BICDL1: variants seen among roughly 807,000 people sequenced by gnomAD.
The protein encoded by BICDL1 is BICD family-like cargo adapter 1.
A neutral mutation model predicts 76.8 loss-of-function variants in BICDL1; 20 were observed. The ratio of observed to expected loss-of-function variants is 0.26; its 90% CI spans 0.18 to 0.38. The LOEUF (loss-of-function observed/expected upper bound fraction) is 0.38. Among genes scored for constraint, BICDL1 ranks in the 10% least tolerant of loss-of-function variants. The pLI, the probability that BICDL1 is intolerant of heterozygous loss-of-function variation, is 1.00. For synonymous variants in BICDL1, 383 were observed against 337.1 expected (o/e 1.14, Z -1.49); for missense variants, 700 against 798.6 (o/e 0.88, Z 1.49).
intron 2 of BICDL1, among the ~76,000 whole-genome samples, chr12:120,008,914 G>A (rs1594107717): frequency 7.0e-6 from 1 of 143,196 alleles, no homozygotes; most frequent in South Asian, 2.2e-4. Flanking sequence ...ACACATTAGG[G>A]TGGTAATTGC....
In BICDL1 at chr12:120,026,412, C is replaced by G. The variant is rs115976854; in HGVS notation, c.645+27676C>G. 3.5e-3 allele frequency among the ~76,000 whole-genome samples: 525 copies of G among 152,004 alleles called. 3 individuals carry two copies. Among genetic ancestry groups the G allele is most frequent in the African/African-American group, 0.012 (509 of 41,454 alleles). On this transcript the variant is annotated intron_variant, in intron 2 of 9. Coordinates refer to ENST00000548673, the MANE Select transcript of BICDL1 (RefSeq NM_001367886.1). Reference sequence around the variant, plus strand: ...TTCCTGTAGGCTTAAGTTTTCTTCCCAACAAAAGTTTTTAAGTGAAGTTCT... The same window carrying G: ...TTCCTGTAGGCTTAAGTTTTCTTCCGAACAAAAGTTTTTAAGTGAAGTTCT...
At chr12:120,054,972 T>A (rs1952945009) in intron 2 of BICDL1, among the ~76,000 whole-genome samples, 1 of 152,174 alleles carries the variant, frequency 6.6e-6, no homozygotes, top group South Asian at 2.1e-4. Flanking sequence ...CACACATATA[T>A]GTAGAAAGAT....
chr12:120,004,604 G>C (rs78581521), intron 2 of BICDL1, among the ~76,000 whole-genome samples: 1 of 152,254 alleles, frequency 6.6e-6, no homozygotes, highest in East Asian at 1.9e-4. Context: ...CTGAAATAAA[G>C]AAACAAAGAT....
chr12:119,998,727 G>A lies in BICDL1; in HGVS notation c.636G>A (p.Gln212=). ...LSEQNQRLLD[Q]LSRASEVERQ... ...AACAGAACCAAAGGCTATTGGATCAGCTCAGCAGGGTGAGTCACAAATTAA... is the reference window on the plus strand; with the variant it reads ...AACAGAACCAAAGGCTATTGGATCAACTCAGCAGGGTGAGTCACAAATTAA... The change falls in exon 2 of 10, where the codon CAG becomes CAA. Residue 212 remains glutamine (Q), a synonymous_variant. Transcript: ENST00000548673. 6.2e-7 allele frequency: 1 copy of A among 1,613,598 alleles called. No individual in the cohort carries two copies. The highest frequency in any genetic ancestry group is 8.5e-7 in the Non-Finnish European group (1 of 1,179,802).
chr12:120,085,008 C>T (rs1382680541), intron 8 of BICDL1, among the ~76,000 whole-genome samples: 1 of 152,146 alleles, frequency 6.6e-6, no homozygotes, highest in Non-Finnish European at 1.5e-5. Flanking sequence ...CTTTGGGTCC[C>T]CTTTTCTTTC....
In BICDL1 at chr12:120,042,045, A is replaced by G. The variant is rs142670205; in HGVS notation, c.646-19665A>G. The stretch of plus-strand genomic sequence containing the variant: ...GCTGTAGGAGGGCAAGGGTAGGAGC[A>G]GGGAGACCAAGTAGGTGGCACCACA... On this transcript the variant is annotated intron_variant, in intron 2 of 9. Coordinates refer to ENST00000548673, the MANE Select transcript of BICDL1 (RefSeq NM_001367886.1). 8.3e-4 allele frequency among the ~76,000 whole-genome samples: 126 copies of G among 152,064 alleles called. 1 individual carries two copies. The highest frequency in any genetic ancestry group is 3.0e-3 in the African/African-American group (124 of 41,476).
Position 120,093,293 on chromosome 12 carries a change from G to A in BICDL1, c.*132G>A. On this transcript the variant is annotated 3_prime_UTR_variant, in exon 10 of 10. Coordinates refer to ENST00000548673, the MANE Select transcript of BICDL1 (RefSeq NM_001367886.1). Reference sequence around the variant, plus strand: ...TCATGCTAGGGCCCCATGGGTCCGGGAGGGCCTGCTCCCTTTCGTCGGTGG... The same window carrying A: ...TCATGCTAGGGCCCCATGGGTCCGGAAGGGCCTGCTCCCTTTCGTCGGTGG... 3 of 1,070,634 alleles carry A rather than the reference G, an allele frequency of 2.8e-6. No individual in the cohort carries two copies. Among genetic ancestry groups the A allele is most frequent in the Admixed American group, 2.4e-5 (1 of 42,354 alleles). 66.3% of individuals were successfully genotyped at this position (1,070,634 alleles called of 1,614,324 possible).
chr12:120,040,894 T>C (rs1952629098), intron 2 of BICDL1, among the ~76,000 whole-genome samples: 1 of 151,960 alleles, frequency 6.6e-6, no homozygotes, highest in African/African-American at 2.4e-5. Context: ...ATTACAGGCA[T>C]GTGCACCACA....
intron 1 of BICDL1, 55 bp from the exon 2 acceptor site, chr12:119,998,466 A>C (rs1452645851): frequency 6.7e-7 from 1 of 1,491,474 alleles, no homozygotes; most frequent in Middle Eastern, 2.4e-4. Context: ...GGAGAGAAAA[A>C]ATAAAAGGCT....
intron 2 of BICDL1, among the ~76,000 whole-genome samples, chr12:120,060,360 G>T (rs1048941597): frequency 6.6e-6 from 1 of 152,218 alleles, no homozygotes; most frequent in Non-Finnish European, 1.5e-5. Flanking sequence ...GTAGGGTGGG[G>T]TGAGGGAGTT....
chr12:120,092,022 C>G (rs1875017061), intron 9 of BICDL1: 12 of 985,386 alleles, frequency 1.2e-5, no homozygotes, highest in Non-Finnish European at 1.2e-5. Context: ...GCAGAGCCTG[C>G]CAGGTTCAAG....
At chr12:120,078,999 T>C (rs965680376) in intron 7 of BICDL1, among the ~76,000 whole-genome samples, 3 of 152,218 alleles carry the variant, frequency 2.0e-5, no homozygotes, top group African/African-American at 7.2e-5. Flanking sequence ...TCTGCCCTGG[T>C]GCCTTGTCTG....
At chr12:120,033,417 T>G (rs1952468225) in intron 2 of BICDL1, among the ~76,000 whole-genome samples, 1 of 140,370 alleles carries the variant, frequency 7.1e-6, no homozygotes, top group Non-Finnish European at 1.5e-5. Flanking sequence ...CACTCTGTCG[T>G]CCAGGCTGGA....
chr12:120,035,804 C>T lies in BICDL1; in HGVS notation c.646-25906C>T, dbSNP rs534068210. On this transcript the variant is annotated intron_variant, in intron 2 of 9. Transcript: ENST00000548673. The stretch of plus-strand genomic sequence containing the variant: ...CAACTCTTATTTCCCTCCATAAGCA[C>T]GACCTCTTCTTCCCCCAAGAGGAAC... Among the ~76,000 whole-genome samples the T allele has an allele frequency of 1.1e-4, 16 of 152,314 alleles. No individual in the cohort carries two copies. The South Asian group carries it at 3.3e-3, about 32-fold the overall frequency.
At chr12:120,021,399 T>C (rs368018752) in intron 2 of BICDL1, among the ~76,000 whole-genome samples, 2 of 149,460 alleles carry the variant, frequency 1.3e-5, no homozygotes, top group East Asian at 2.0e-4. Context: ...CCAGCCTGGC[T>C]AACATGGTGA....
In BICDL1 at chr12:120,062,432, T is replaced by C. The variant is rs545689399; in HGVS notation, c.762+606T>C. On this transcript the variant is annotated intron_variant, in intron 3 of 9. Transcript: ENST00000548673. ...TCTTATCACCAGCCCAAACCAGGCC[T>C]CCCCCTAGGGGAGGCTTCCACCTGG... 2.0e-5 allele frequency among the ~76,000 whole-genome samples: 3 copies of C among 152,096 alleles called. No homozygotes were observed. In the East Asian group the frequency reaches 5.8e-4, roughly 30 times the overall value.
intron 2 of BICDL1, among the ~76,000 whole-genome samples, chr12:120,047,075 CT>C (rs1438840955): frequency 6.6e-6 from 1 of 152,114 alleles, no homozygotes; most frequent in Non-Finnish European, 1.5e-5. Flanking sequence ...AATAACAAAA[CT>C]TTTATTGTGC....
intron 2 of BICDL1, among the ~76,000 whole-genome samples, chr12:120,058,782 G>A (rs1953038580): frequency 6.6e-6 from 1 of 151,768 alleles, no homozygotes; most frequent in African/African-American, 2.4e-5. Flanking sequence ...GTAGAGACTG[G>A]GTTTTACCAT....
Position 119,989,862 on chromosome 12 carries a change from G to A in BICDL1, c.-7G>A. 1.5e-6 allele frequency: 2 copies of A among 1,346,208 alleles called. No homozygotes were observed. Among genetic ancestry groups the A allele is most frequent in the Non-Finnish European group, 1.9e-6 (2 of 1,060,410 alleles). The allele number at this position is 1,346,208 out of a possible 1,614,324, so 83.4% of individuals were successfully genotyped here. A position where few individuals can be genotyped will look rare whatever the true frequency, so the allele number is the denominator to read the frequency against. ...CCGCACCGCTGCGGGCTCCGCGCGCGCGGGCCATGTCCGCTTTCTGCCTGG... is the reference window on the plus strand; with the variant it reads ...CCGCACCGCTGCGGGCTCCGCGCGCACGGGCCATGTCCGCTTTCTGCCTGG... On this transcript the variant is annotated 5_prime_UTR_variant, in exon 1 of 10. Transcript: ENST00000548673.
Sources: gnomAD v4.1 joint callset for allele counts (sites outside exome capture counted in the v4.1 genomes callset) on GRCh38, gnomAD v4.1.1 for gene constraint, MANE v1.5 for transcripts, NCBI Gene and HGNC (gene_info 2026-07-23, HGNC 2026-07-21) for gene names.